Variants in KSR1 observed in about 807,000 individuals in gnomAD.
KSR1 encodes kinase suppressor of ras.
KSR1 carries 35 observed loss-of-function variants against 92.9 expected under a neutral mutation model. The ratio of observed to expected loss-of-function variants is 0.38; its 90% CI spans 0.29 to 0.50. KSR1 has a LOEUF of 0.50. Among genes scored for constraint, KSR1 ranks in the 20% least tolerant of loss-of-function variants. KSR1 has a pLI of 0.94. For missense variants in KSR1, 972 were observed against 1,158.5 expected (o/e 0.84, Z 2.34); for synonymous variants, 467 against 472.6 (o/e 0.99, Z 0.15).
chr17:27,510,313 C>T (rs774619026), intron 1 of KSR1, among the ~76,000 whole-genome samples: 6 of 151,742 alleles, frequency 4.0e-5, no homozygotes, highest in African/African-American at 1.2e-4. Flanking sequence ...ACCTCTGGCA[C>T]GTCACTTCAC....
At position 27,496,296 on chromosome 17, in the gene KSR1, A is replaced by C. The variant is rs559442161; in HGVS notation, c.231+39422A>C. Among the ~76,000 whole-genome samples, 40 of 152,226 alleles carry C rather than the reference A, an allele frequency of 2.6e-4. No individual in the cohort carries two copies. The South Asian group carries it at 6.4e-3, about 24-fold the overall frequency. ...ATGATGCTGCTTTTGTTTGTCTCTA[A>C]TTACACTTAATAAGATGGGGGCAAG... On this transcript the variant is annotated intron_variant, in intron 1 of 20. Transcript: ENST00000644974.
At chr17:27,595,028 A>G (rs1021922395) in intron 9 of KSR1, among the ~76,000 whole-genome samples, 2 of 152,078 alleles carry the variant, frequency 1.3e-5, no homozygotes, top group African/African-American at 4.8e-5. Flanking sequence ...TCCAGCTCCC[A>G]CTTCTAGCTT....
At chr17:27,503,657 C>A (rs2069271634) in intron 1 of KSR1, among the ~76,000 whole-genome samples, 2 of 152,196 alleles carry the variant, frequency 1.3e-5, no homozygotes, top group African/African-American at 4.8e-5. Flanking sequence ...CACTCTCCTA[C>A]CTTCTTCAGT....
At position 27,484,863 on chromosome 17, in the gene KSR1, C is replaced by T. The variant is rs536413544; in HGVS notation, c.231+27989C>T. 1.2e-4 allele frequency among the ~76,000 whole-genome samples: 18 copies of T among 152,346 alleles called. 1 individual carries two copies. The highest frequency in any genetic ancestry group is 4.3e-4 in the African/African-American group (18 of 41,582). ...CAGTGTTCGTAGTGGCTGCAGTGTG[C>T]AGGGAGTGGTACATCAAATCTGTAA... On this transcript the variant is annotated intron_variant, in intron 1 of 20. Coordinates refer to ENST00000644974, the MANE Select transcript of KSR1 (RefSeq NM_001394583.1).
chr17:27,470,708 T>G (rs1451504507), intron 1 of KSR1, among the ~76,000 whole-genome samples: 1 of 152,142 alleles, frequency 6.6e-6, no homozygotes, highest in African/African-American at 2.4e-5. Context: ...TGATAGCTGT[T>G]TTAAAAATTG....
At chr17:27,583,453 C>T (rs2072853134) in intron 4 of KSR1, among the ~76,000 whole-genome samples, 1 of 152,364 alleles carries the variant, frequency 6.6e-6, no homozygotes, top group South Asian at 2.1e-4. Context: ...CATCATGGGT[C>T]AGCCTCCTTC....
At chr17:27,516,154 G>A (rs1567783144) in intron 1 of KSR1, among the ~76,000 whole-genome samples, 1 of 152,198 alleles carries the variant, frequency 6.6e-6, no homozygotes, top group African/African-American at 2.4e-5. Context: ...AAAGGTAGTT[G>A]TGTGACGTTG....
intron 1 of KSR1, among the ~76,000 whole-genome samples, chr17:27,496,909 C>G (rs2069007545): frequency 6.6e-6 from 1 of 152,246 alleles, no homozygotes; most frequent in African/African-American, 2.4e-5. Context: ...TGTGGGCCAG[C>G]AGGTTAGAAC....
chr17:27,543,988 A>G (rs976353576), intron 1 of KSR1, among the ~76,000 whole-genome samples: 5 of 152,218 alleles, frequency 3.3e-5, no homozygotes, highest in African/African-American at 1.2e-4. Context: ...GGAGGTAATA[A>G]GAGAGAACCT....
chr17:27,550,733 GGGATAGGCATGA>G, intron 2 of KSR1, 25 bp downstream of exon 2: 1 of 755,436 alleles, frequency 1.3e-6, no homozygotes, highest in Non-Finnish European at 2.4e-6. Context: ...TCTCAGCATA[GGGATAGGCATGA>G]GGGGCCAAGC....
At chr17:27,485,704 G>T (rs1262186622) in intron 1 of KSR1, among the ~76,000 whole-genome samples, 3 of 152,040 alleles carry the variant, frequency 2.0e-5, no homozygotes, top group African/African-American at 7.2e-5. Flanking sequence ...GGGCAAAATC[G>T]TGTCATCAAT....
intron 2 of KSR1, among the ~76,000 whole-genome samples, chr17:27,571,511 G>A (rs1444979362): frequency 6.6e-6 from 1 of 152,208 alleles, no homozygotes; most frequent in Non-Finnish European, 1.5e-5. Context: ...GCCTCAGAGG[G>A]ATGTGCAGGG....
At chr17:27,570,636 G>A (rs1000191872) in intron 2 of KSR1, among the ~76,000 whole-genome samples, 7 of 152,196 alleles carry the variant, frequency 4.6e-5, no homozygotes, top group Non-Finnish European at 7.3e-5. Flanking sequence ...TTGTGGAGAG[G>A]GAGGCAGGGA....
At chr17:27,623,277 A>AT in intron 20 of KSR1, 37 bp from the exon 21 acceptor site, 1 of 754,108 alleles carries the variant, frequency 1.3e-6, no homozygotes, top group Non-Finnish European at 2.4e-6. Flanking sequence ...ATGAAGATCA[A>AT]TGGGGCTATA....
intron 1 of KSR1, among the ~76,000 whole-genome samples, chr17:27,480,063 CAG>C: frequency 6.6e-6 from 1 of 152,302 alleles, no homozygotes; most frequent in East Asian, 1.9e-4. Context: ...GCATCATCTG[CAG>C]AGACCATTGA....
intron 1 of KSR1, among the ~76,000 whole-genome samples, chr17:27,508,709 T>TTTATTTATTTATTTATTTA (rs1555572324): frequency 1.4e-5 from 2 of 138,272 alleles, no homozygotes; most frequent in East Asian, 2.1e-4. Context: ...CCTGAATTTT[T>TTTATTTATTTATTTATTTA]TTTATTTATT....
rs1205627590 is a variant in KSR1 at position 27,588,559 on chromosome 17, G to A, written c.1046+24G>A. ...AGGTAGGCACAGCGGGCCTGGAGGG[G>A]GAGCAGGGCACAGCCGGGCTGGTAC... On this transcript the variant is annotated intron_variant, in intron 6 of 20. Coordinates refer to ENST00000644974, the MANE Select transcript of KSR1 (RefSeq NM_001394583.1). The A allele has an allele frequency of 5.1e-6, 8 of 1,577,414 alleles. No homozygotes were observed. The Admixed American group carries it at 5.4e-5, about 11-fold the overall frequency.
At chr17:27,513,961 C>T (rs146455640) in intron 1 of KSR1, among the ~76,000 whole-genome samples, 9 of 152,282 alleles carry the variant, frequency 5.9e-5, no homozygotes, top group African/African-American at 1.7e-4. Context: ...GGAGAATCGT[C>T]GGAAAGGCTG....
At chr17:27,614,814 C>T (rs987538681) in intron 18 of KSR1, among the ~76,000 whole-genome samples, 1 of 152,164 alleles carries the variant, frequency 6.6e-6, no homozygotes, top group Non-Finnish European at 1.5e-5. Flanking sequence ...CCGGCAGCAG[C>T]TTGTGGCTCA....
Sources: allele counts gnomAD v4.1 joint callset (sites outside exome capture counted in the v4.1 genomes callset), GRCh38; gene constraint gnomAD v4.1.1; transcripts MANE v1.5; gene names NCBI Gene and HGNC (gene_info 2026-07-23, HGNC 2026-07-21).